LUC7L3: variants seen among roughly 807,000 people sequenced by gnomAD.
The protein encoded by LUC7L3 is LUC7 like 3 pre-mRNA splicing factor, also known as luc7-like protein 3.
Under a neutral mutation model 66.8 loss-of-function variants are expected in LUC7L3, and 6 were observed. The ratio of observed to expected loss-of-function variants is 0.09; its 90% CI spans 0.05 to 0.18. The LOEUF is 0.18. LUC7L3 is among the 10% of genes least tolerant of loss of function. The pLI, the probability that LUC7L3 is intolerant of heterozygous loss-of-function variation, is 1.00. For missense variants in LUC7L3, 341 were observed against 531.1 expected (o/e 0.64, Z 3.52); for synonymous variants, 160 against 174.7 (o/e 0.92, Z 0.66).
intron 1 of LUC7L3, among the ~76,000 whole-genome samples, chr17:50,731,541 C>G (rs186675676): frequency 6.6e-6 from 1 of 151,964 alleles, no homozygotes; most frequent in Non-Finnish European, 1.5e-5. Flanking sequence ...CCCATTTTTT[C>G]GGATCACTTG....
intron 1 of LUC7L3, among the ~76,000 whole-genome samples, chr17:50,731,152 A>G (rs981010506): frequency 2.6e-5 from 4 of 152,184 alleles, no homozygotes; most frequent in Non-Finnish European, 5.9e-5. Flanking sequence ...TTATATCCAA[A>G]AGTAAGAAAC....
chr17:50,742,558 C>T (rs1229148512), intron 5 of LUC7L3, among the ~76,000 whole-genome samples: 4 of 152,118 alleles, frequency 2.6e-5, no homozygotes, highest in Non-Finnish European at 4.4e-5. Flanking sequence ...GGGGTTTCAC[C>T]GTGCTGGCCA....
intron 8 of LUC7L3, among the ~76,000 whole-genome samples, chr17:50,746,313 A>C (rs984951398): frequency 3.3e-5 from 5 of 152,242 alleles, no homozygotes; most frequent in East Asian, 1.9e-4. Context: ...TGTTTTAATT[A>C]TAATTACAAA....
intron 1 of LUC7L3, among the ~76,000 whole-genome samples, chr17:50,726,950 G>A (rs964926372): frequency 2.0e-5 from 3 of 151,992 alleles, no homozygotes; most frequent in African/African-American, 7.3e-5. Flanking sequence ...TTAGCCAGGC[G>A]TTGTGGCCGG....
At position 50,751,874 on chromosome 17, in the gene LUC7L3, A is replaced by G; in HGVS notation, c.*1213A>G. ...AGTTAGGTACTGTAAGTGTTCTTAA[A>G]ACCTGTAAACTTCATTCTGTGGGCT... On this transcript the variant is annotated 3_prime_UTR_variant, in exon 10 of 10. Coordinates refer to ENST00000505658, the MANE Select transcript of LUC7L3 (RefSeq NM_016424.5). The G allele has an allele frequency of 9.9e-7, 1 of 1,014,624 alleles. No homozygotes were observed. The highest frequency in any genetic ancestry group is 1.2e-6 in the Non-Finnish European group (1 of 847,494). 62.9% of individuals were successfully genotyped at this position (1,014,624 alleles called of 1,614,324 possible).
In LUC7L3 at chr17:50,753,963, A is replaced by G. The variant is rs1971063629; in HGVS notation, c.*3302A>G. 6.6e-6 allele frequency: 1 copy of G among 152,160 alleles called. No homozygotes were observed. Among genetic ancestry groups the G allele is most frequent in the Admixed American group, 6.5e-5 (1 of 15,276 alleles). The allele number at this position is 152,160 out of a possible 1,614,324, so 9.4% of individuals were successfully genotyped here. A position where few individuals can be genotyped will look rare whatever the true frequency, so the allele number is the denominator to read the frequency against. On this transcript the variant is annotated 3_prime_UTR_variant, in exon 10 of 10. Transcript: ENST00000505658. ...CTGCCTCCCCAGGACATCTATGACT[A>G]AGGCCTGGCTTTAGTTATGGAGAGA...
At chr17:50,734,123 T>G (rs1197397311) in intron 1 of LUC7L3, among the ~76,000 whole-genome samples, 1 of 152,206 alleles carries the variant, frequency 6.6e-6, no homozygotes, top group East Asian at 1.9e-4. Context: ...AAATAAACTA[T>G]TTGTGACAAC....
At chr17:50,745,246 C>A (rs1388194317) in intron 7 of LUC7L3, among the ~76,000 whole-genome samples, 1 of 152,092 alleles carries the variant, frequency 6.6e-6, no homozygotes, top group Non-Finnish European at 1.5e-5. Flanking sequence ...TCCTCCTCAG[C>A]CTCCCAAAGT....
chr17:50,724,758 T>C (rs932885370), intron 1 of LUC7L3, among the ~76,000 whole-genome samples: 5 of 146,792 alleles, frequency 3.4e-5, no homozygotes, highest in East Asian at 2.0e-4. Context: ...TATTTTCTCT[T>C]TTTTTTTTTT....
chr17:50,746,936 T>C (rs570751052), intron 9 of LUC7L3, among the ~76,000 whole-genome samples: 127 of 152,330 alleles, frequency 8.3e-4, no homozygotes, highest in African/African-American at 3.0e-3. Flanking sequence ...TTGATAAACC[T>C]GAAGGTTTTT....
rs199597590 is a variant in LUC7L3, at chr17:50,745,970, A to G, written c.944A>G (p.Lys315Arg). ...AGATGCAGCAGGTCTCGGGACCACA[A>G]AAGGTCACGAAGTAGAGAAAGAAGG... ...DRRCSRSRDH[K>R]RSRSRERRRS... Residue 315 changes from lysine to arginine, a missense_variant, in exon 8 of 10, where the codon AAA becomes AGA. Physicochemically the swap from Lys to Arg is conservative, Grantham distance 26. Around this residue, in one of 6 missense-constraint regions of LUC7L3, gnomAD observed 210 missense variants for 238.1 expected, o/e 0.88. Coordinates refer to ENST00000505658, the MANE Select transcript of LUC7L3 (RefSeq NM_016424.5). The G allele has an allele frequency of 1.6e-4, 251 of 1,606,132 alleles. 1 individual carries two copies. In the East Asian group the frequency reaches 4.4e-3, roughly 28 times the overall value.
At chr17:50,740,230 A>C in intron 2 of LUC7L3, 76 bp from the exon 3 acceptor site, 3 of 1,144,246 alleles carry the variant, frequency 2.6e-6, no homozygotes, top group Non-Finnish European at 2.5e-6. Flanking sequence ...TAAAAAGAAA[A>C]ATAACTCTTT....
At chr17:50,746,471 T>C in intron 8 of LUC7L3, 71 bp from the exon 9 acceptor site, 2 of 1,352,824 alleles carry the variant, frequency 1.5e-6, no homozygotes, top group Non-Finnish European at 1.0e-6. Flanking sequence ...TGTTAATTAA[T>C]AGCATCTACT....
chr17:50,730,131 C>T (rs1969490977), intron 1 of LUC7L3, among the ~76,000 whole-genome samples: 1 of 151,306 alleles, frequency 6.6e-6, no homozygotes, highest in East Asian at 1.9e-4. Flanking sequence ...CCGCACCACC[C>T]CTGGCTAATT....
intron 1 of LUC7L3, among the ~76,000 whole-genome samples, chr17:50,727,157 A>G (rs1044761134): frequency 2.0e-5 from 3 of 152,184 alleles, no homozygotes; most frequent in South Asian, 2.1e-4. Context: ...TGTTAGTGTT[A>G]TTGTAAGGCT....
chr17:50,741,521 T>C, intron 4 of LUC7L3, 136 bp from the exon 5 acceptor site: 1 of 618,226 alleles, frequency 1.6e-6, no homozygotes, highest in Non-Finnish European at 2.8e-6. Flanking sequence ...CAACAGAAGT[T>C]GAAGATAATT....
chr17:50,743,279 GCCT>G (rs1373816981), intron 5 of LUC7L3, among the ~76,000 whole-genome samples: 11 of 151,534 alleles, frequency 7.3e-5, no homozygotes, highest in African/African-American at 2.7e-4. Flanking sequence ...GCTCACTGCA[GCCT>G]CCTCCTCCTG....
Position 50,730,513 on chromosome 17 carries a change from C to CAAAAA in LUC7L3, c.100-6426_100-6422dup, listed in dbSNP as rs3063109. On this transcript the variant is annotated intron_variant, in intron 1 of 9. Coordinates refer to ENST00000505658, the MANE Select transcript of LUC7L3 (RefSeq NM_016424.5). ...CTGGGCGACAGTAAGACTCTGTCTC[C>CAAAAA]AAAAAAAAAAAAAAAAAAAAAAAAA... 1.9e-3 allele frequency among the ~76,000 whole-genome samples: 114 copies of CAAAAA among 59,096 alleles called. 6 individuals are homozygous for CAAAAA. The highest frequency in any genetic ancestry group is 6.9e-3 in the African/African-American group (92 of 13,260). 38.8% of individuals were successfully genotyped at this position (59,096 alleles called of 152,430 possible).
intron 1 of LUC7L3, chr17:50,722,651 G>C (rs1968865690): frequency 6.6e-6 from 1 of 152,136 alleles, no homozygotes; most frequent in Non-Finnish European, 1.5e-5. Context: ...TCCTTTTCAT[G>C]ATGGGTAATA....
Sources: gnomAD v4.1 joint callset for allele counts (sites outside exome capture counted in the v4.1 genomes callset) on GRCh38, gnomAD v4.1.1 for gene constraint, gnomAD v4.1.1 regional missense constraint, MANE v1.5 for transcripts, NCBI Gene and HGNC (gene_info 2026-07-23, HGNC 2026-07-21) for gene names.